OCA2: variants seen among roughly 807,000 people sequenced by gnomAD.
OCA2 encodes P protein.
OCA2 carries 77 observed loss-of-function variants against 100.2 expected under a neutral mutation model. That is an observed-to-expected ratio of 0.77 (90% CI 0.64 to 0.93). OCA2 has a LOEUF of 0.93. OCA2 is among the 40% of genes least tolerant of loss of function. The pLI, the probability that OCA2 is intolerant of heterozygous loss-of-function variation, is 0.00. For missense variants in OCA2, 1,062 were observed against 1,089.1 expected, an observed-to-expected ratio of 0.98 and a Z score of 0.35; for synonymous variants, 432 against 439.2, an observed-to-expected ratio of 0.98 and a Z score of 0.21.
At position 28,024,802 on chromosome 15, in the gene OCA2, T is replaced by C. The variant is rs769616727; in HGVS notation, c.573+43A>G. The C allele has an allele frequency of 1.9e-6, 3 of 1,609,636 alleles. No individual in the cohort carries two copies. In the South Asian group the frequency reaches 3.3e-5, roughly 18 times the overall value. On this transcript the variant is annotated intron_variant, in intron 5 of 23. Coordinates refer to ENST00000354638, the MANE Select transcript of OCA2 (RefSeq NM_000275.3). Reference sequence around the variant, plus strand: ...TATACAGCCAAAGGCACACAGGGCTTCCACGGACCCAACAGTAGTGCTGGG... The same window carrying C: ...TATACAGCCAAAGGCACACAGGGCTCCCACGGACCCAACAGTAGTGCTGGG...
intron 21 of OCA2, among the ~76,000 whole-genome samples, chr15:27,869,385 A>G (rs570190053): frequency 3.9e-5 from 6 of 152,362 alleles, no homozygotes; most frequent in African/African-American, 1.4e-4. Context: ...GTATTTCTTG[A>G]TAAAACACAC....
chr15:27,986,716 C>T (rs2041367095), intron 11 of OCA2, 73 bp from the exon 12 acceptor site: 6 of 1,013,958 alleles, frequency 5.9e-6, no homozygotes, highest in Admixed American at 1.7e-5. Flanking sequence ...AGCATGATCC[C>T]TTACACATTT....
At chr15:28,016,076 C>T (rs2042381654) in intron 8 of OCA2, 28 bp downstream of exon 8, 1 of 1,588,836 alleles carries the variant, frequency 6.3e-7, no homozygotes, top group African/African-American at 1.3e-5. Flanking sequence ...GAGAGCCTGC[C>T]CCAACACCTC....
chr15:27,831,783 A>C (rs1175230526), intron 23 of OCA2, among the ~76,000 whole-genome samples: 1 of 152,182 alleles, frequency 6.6e-6, no homozygotes, highest in Non-Finnish European at 1.5e-5. Context: ...AGGCCCAGCT[A>C]GACACTGCCC....
chr15:27,763,455 T>G (rs772697970), intron 23 of OCA2, among the ~76,000 whole-genome samples: 18 of 152,068 alleles, frequency 1.2e-4, no homozygotes, highest in Non-Finnish European at 2.2e-4. Flanking sequence ...GTACAAACAC[T>G]AAAAAATCCA....
At chr15:28,051,359 C>T (rs186455196) in intron 2 of OCA2, among the ~76,000 whole-genome samples, 1 of 152,230 alleles carries the variant, frequency 6.6e-6, no homozygotes, top group Non-Finnish European at 1.5e-5. Flanking sequence ...ATGGTGTGAT[C>T]TCTGCTTACA....
At chr15:27,765,980 C>A (rs1016448284) in intron 23 of OCA2, among the ~76,000 whole-genome samples, 1 of 152,188 alleles carries the variant, frequency 6.6e-6, no homozygotes, top group African/African-American at 2.4e-5. Context: ...CCTGGGAATG[C>A]TGCCCAGCGG....
chr15:27,938,739 C>T (rs2039544914), intron 18 of OCA2, among the ~76,000 whole-genome samples: 1 of 152,182 alleles, frequency 6.6e-6, no homozygotes, highest in African/African-American at 2.4e-5. Context: ...CATTCACATT[C>T]TAAAGCACTC....
chr15:28,000,265 T>C (rs936227316), intron 9 of OCA2, among the ~76,000 whole-genome samples: 4 of 152,124 alleles, frequency 2.6e-5, no homozygotes, highest in Admixed American at 6.5e-5. Flanking sequence ...AAGAGATATA[T>C]AGACCAATAG....
chr15:27,952,569 G>T (rs1376935821), intron 17 of OCA2, among the ~76,000 whole-genome samples: 1 of 152,262 alleles, frequency 6.6e-6, no homozygotes. Context: ...GGCCTGCCCT[G>T]TTAACAAGGT....
intron 2 of OCA2, among the ~76,000 whole-genome samples, chr15:28,071,936 T>C (rs2044272419): frequency 6.6e-6 from 1 of 152,184 alleles, no homozygotes; most frequent in African/African-American, 2.4e-5. Context: ...ACTCAAGAGC[T>C]TCTGCACAGC....
At chr15:28,059,616 T>C (rs371443577) in intron 2 of OCA2, among the ~76,000 whole-genome samples, 6 of 152,340 alleles carry the variant, frequency 3.9e-5, no homozygotes, top group African/African-American at 7.2e-5. Context: ...ATGTACTACA[T>C]TAAAATTATG....
intron 4 of OCA2, 35 bp from the exon 5 acceptor site, chr15:28,024,937 G>A: frequency 6.2e-7 from 1 of 1,608,036 alleles, no homozygotes; most frequent in Non-Finnish European, 8.5e-7. Flanking sequence ...AGTGGCAAGG[G>A]CAGCAGTCCT....
chr15:28,007,801 T>C (rs1286120926), intron 9 of OCA2, among the ~76,000 whole-genome samples: 2 of 152,030 alleles, frequency 1.3e-5, no homozygotes, highest in Non-Finnish European at 2.9e-5. Flanking sequence ...ATCAGGATGA[T>C]TATCTGTAGG....
At chr15:27,765,795 T>C (rs2031212601) in intron 23 of OCA2, among the ~76,000 whole-genome samples, 2 of 152,210 alleles carry the variant, frequency 1.3e-5, no homozygotes, top group Non-Finnish European at 2.9e-5. Context: ...AGGAATGCAT[T>C]ATAATTGGTG....
In OCA2 at chr15:27,973,436, G is replaced by A. The variant is rs111447335; in HGVS notation, c.1504-6614C>T. ...TTCCCAGCATCATTTACTGAAGAGA[G>A]TGTCTTTTACCCAGTTTATGTTTTT... On this transcript the variant is annotated intron_variant, in intron 14 of 23. Transcript: ENST00000354638. Among the ~76,000 whole-genome samples, 143 of 152,288 alleles carry A rather than the reference G, an allele frequency of 9.4e-4. 1 individual carries two copies. Among genetic ancestry groups the A allele is most frequent in the African/African-American group, 3.3e-3 (139 of 41,582 alleles).
intron 19 of OCA2, among the ~76,000 whole-genome samples, chr15:27,912,436 G>T (rs529279963): frequency 1.4e-4 from 21 of 152,160 alleles, no homozygotes; most frequent in Admixed American, 3.9e-4. Flanking sequence ...AAATTGATGA[G>T]GATGTGTCTA....
chr15:27,916,782 T>C (rs924667126), intron 19 of OCA2, among the ~76,000 whole-genome samples: 1 of 152,094 alleles, frequency 6.6e-6, no homozygotes, highest in Non-Finnish European at 1.5e-5. Context: ...TCTCCAACTG[T>C]TTTCCAAAAA....
chr15:27,767,536 G>A (rs899280954), intron 23 of OCA2, among the ~76,000 whole-genome samples: 4 of 151,728 alleles, frequency 2.6e-5, no homozygotes, highest in Admixed American at 6.6e-5. Flanking sequence ...GATTGTAAAT[G>A]CACCAATCAG....
Sources: gnomAD v4.1 joint callset for allele counts (sites outside exome capture counted in the v4.1 genomes callset) on GRCh38, gnomAD v4.1.1 for gene constraint, MANE v1.5 for transcripts, NCBI Gene and HGNC (gene_info 2026-07-23, HGNC 2026-07-21) for gene names.